Variants in PCDHGA11 observed in about 807,000 individuals in gnomAD.
The protein encoded by PCDHGA11 is protocadherin gamma-A11.
A neutral mutation model predicts 60.4 loss-of-function variants in PCDHGA11; 39 were observed. That is an observed-to-expected ratio of 0.65 (90% CI 0.50 to 0.84). PCDHGA11 has a LOEUF of 0.84. Ranked by LOEUF, PCDHGA11 falls within the 40% of genes least tolerant of loss-of-function variation. The pLI is 0.00. For missense variants in PCDHGA11, 1,165 were observed against 1,197.7 expected (o/e 0.97, Z 0.40); for synonymous variants, 533 against 510.3 (o/e 1.04, Z -0.60).
In PCDHGA11 at chr5:141,477,442, A is replaced by G; in HGVS notation, c.2434-17365A>G. The G allele has an allele frequency of 6.2e-7, 1 of 1,614,132 alleles. No individual in the cohort carries two copies. Among genetic ancestry groups the G allele is most frequent in the Non-Finnish European group, 8.5e-7 (1 of 1,180,022 alleles). ...CCCCTTCCCTCTCAGCCCTTACAAT[A>G]GTGCGTGTTCAAGTGTCCGACATCA... On this transcript the variant is annotated intron_variant, in intron 1 of 3. Coordinates refer to ENST00000398587, the MANE Select transcript of PCDHGA11 (RefSeq NM_018914.3). This position sits in a 1 kb window ranked among gnomAD's most constrained non-coding sequence, Gnocchi z 4.9.
chr5:141,469,711 T>C (rs894622720), intron 1 of PCDHGA11, among the ~76,000 whole-genome samples: 13 of 152,372 alleles, frequency 8.5e-5, no homozygotes, highest in African/African-American at 2.4e-4. Flanking sequence ...AATCACACTA[T>C]TAGGAATTTA....
At position 141,423,201 on chromosome 5, in the gene PCDHGA11, C is replaced by G; in HGVS notation, c.1974C>G (p.Thr658=). 6.2e-7 allele frequency: 1 copy of G among 1,613,628 alleles called. No homozygotes were observed. The highest frequency in any genetic ancestry group is 8.5e-7 in the Non-Finnish European group (1 of 1,180,002). ...QDHGQPPLSA[T]VTLTVAVADS... is the part of the protein sequence containing the mutation. Reference sequence around the variant, plus strand: ...ACGGCCAGCCCCCTCTCTCGGCCACCGTCACGCTCACCGTGGCTGTGGCCG... The same window carrying G: ...ACGGCCAGCCCCCTCTCTCGGCCACGGTCACGCTCACCGTGGCTGTGGCCG... The change falls in exon 1 of 4, where the codon ACC becomes ACG. Residue 658 remains threonine, a synonymous_variant. Coordinates refer to ENST00000398587, the MANE Select transcript of PCDHGA11 (RefSeq NM_018914.3).
chr5:141,427,703 C>A (rs529490424), intron 1 of PCDHGA11: 2 of 957,514 alleles, frequency 2.1e-6, no homozygotes, highest in African/African-American at 1.6e-5. Flanking sequence ...CACAAGTCAG[C>A]GCCTCTGACC....
intron 3 of PCDHGA11, among the ~76,000 whole-genome samples, chr5:141,509,440 C>T (rs1036780108): frequency 2.0e-5 from 3 of 152,158 alleles, no homozygotes; most frequent in Non-Finnish European, 4.4e-5. Flanking sequence ...CTTGTTTCCT[C>T]CTCTCCCACC....
chr5:141,476,666 G>T lies in PCDHGA11; in HGVS notation c.2434-18141G>T. 9 of 1,614,246 alleles carry T rather than the reference G, an allele frequency of 5.6e-6. No homozygotes were observed. Among genetic ancestry groups the T allele is most frequent in the Non-Finnish European group, 7.6e-6 (9 of 1,180,044 alleles). ...CCGAAATGAATACTTTGCGCTTCGC[G>T]TGCAGACGCGGGAGGACAGCACCAA... On this transcript the variant is annotated intron_variant, in intron 1 of 3. Transcript: ENST00000398587. This position sits in a 1 kb window ranked among gnomAD's most constrained non-coding sequence, Gnocchi z 7.6.
intron 1 of PCDHGA11, chr5:141,428,211 C>T (rs777952475): frequency 2.2e-5 from 28 of 1,284,198 alleles, no homozygotes; most frequent in South Asian, 4.9e-5. Flanking sequence ...CTACGCTTCA[C>T]CTAGTCTTCG....
chr5:141,423,311 T>G lies in PCDHGA11; in HGVS notation c.2084T>G (p.Val695Gly). The change falls in exon 1 of 4, where the codon GTG becomes GGG. Residue 695 changes from valine to glycine, a missense_variant. Val to Gly is a moderately radical substitution (Grantham distance 109). Transcript: ENST00000398587. ...SETSDLSLYL[V>G]VAVAAVSCIF... ...ACCTCAGACCTCTCGCTGTACTTGG[T>G]GGTGGCGGTGGCCGCAGTCTCCTGC... 2.5e-6 allele frequency: 4 copies of G among 1,614,134 alleles called. No homozygotes were observed. The highest frequency in any genetic ancestry group is 3.4e-6 in the Non-Finnish European group (4 of 1,180,012).
Position 141,422,150 on chromosome 5 carries a change from T to C in PCDHGA11, c.923T>C (p.Leu308Pro), listed in dbSNP as rs773805631. ...QTGEVQVRGS[L>P]DFEKYRFYEM... ...GGAGAAGTTCAAGTACGGGGGTCTC[T>C]GGATTTTGAAAAATATAGATTCTAT... Residue 308 changes from leucine to proline, a missense_variant, in exon 1 of 4, where the codon CTG (leucine) becomes CCG (proline). Transcript: ENST00000398587. The C allele has an allele frequency of 1.5e-5, 23 of 1,577,056 alleles. No individual in the cohort carries two copies. The highest frequency in any genetic ancestry group is 1.8e-5 in the Non-Finnish European group (21 of 1,167,250).
At chr5:141,433,358 C>CCTAG (rs1554125965) in intron 1 of PCDHGA11, 2 of 498,106 alleles carry the variant, frequency 4.0e-6, no homozygotes, top group African/African-American at 4.2e-5. Flanking sequence ...CTACTGTCTG[C>CCTAG]CTATCTATCT....
At chr5:141,497,820 G>A (rs1595489288) in intron 2 of PCDHGA11, among the ~76,000 whole-genome samples, 1 of 152,226 alleles carries the variant, frequency 6.6e-6, no homozygotes, top group Admixed American at 6.5e-5. Flanking sequence ...AATTACAGGT[G>A]TGATCGCCCC....
At chr5:141,478,189 C>T (rs774322691) in intron 1 of PCDHGA11, 1 of 1,614,020 alleles carries the variant, frequency 6.2e-7, no homozygotes, top group South Asian at 1.1e-5. Context: ...AAAATCTCAC[C>T]TTTTATCTAC....
intron 2 of PCDHGA11, among the ~76,000 whole-genome samples, chr5:141,501,847 C>T (rs976699397): frequency 1.3e-5 from 2 of 152,140 alleles, no homozygotes; most frequent in Admixed American, 6.5e-5. Context: ...GGCCCTCAAC[C>T]TTCAACCATT....
At position 141,421,118 on chromosome 5, in the gene PCDHGA11, T is replaced by C. The variant is rs572827470; in HGVS notation, c.-110T>C. 2 of 771,948 alleles carry C rather than the reference T, an allele frequency of 2.6e-6. No homozygotes were observed. The highest frequency in any genetic ancestry group is 2.0e-6 in the Non-Finnish European group (1 of 496,428). 47.8% of individuals were successfully genotyped at this position (771,948 alleles called of 1,614,324 possible). A position where few individuals can be genotyped will look rare whatever the true frequency, so the allele number is the denominator to read the frequency against. On this transcript the variant is annotated 5_prime_UTR_variant, in exon 1 of 4. Coordinates refer to ENST00000398587, the MANE Select transcript of PCDHGA11 (RefSeq NM_018914.3). ...ACTGGAGACTTAGAAGTATTTTCCT[T>C]CGCTTTCTGATATATTTTGGATGTA... is the stretch of plus-strand genomic sequence containing the variant.
chr5:141,460,726 A>G lies in PCDHGA11; in HGVS notation c.2434-34081A>G, dbSNP rs545089217. ...GAGAATAAACTATTGTTATAAGCAT[A>G]TATACACATTGTATATATATGTGTA... On this transcript the variant is annotated intron_variant, in intron 1 of 3. Coordinates refer to ENST00000398587, the MANE Select transcript of PCDHGA11 (RefSeq NM_018914.3). Among the ~76,000 whole-genome samples the G allele has an allele frequency of 6.6e-5, 10 of 152,252 alleles. No homozygotes were observed. In the East Asian group the frequency reaches 1.9e-3, roughly 29 times the overall value.
chr5:141,421,347 C>G lies in PCDHGA11; in HGVS notation c.120C>G (p.Thr40=). Residue 40 remains threonine (T), a synonymous_variant, in exon 1 of 4, where the codon ACC becomes ACG. Coordinates refer to ENST00000398587, the MANE Select transcript of PCDHGA11 (RefSeq NM_018914.3). The stretch of plus-strand genomic sequence containing the variant: ...TCCGATATTCGGTGCCAGAAGAGAC[C>G]GAAAAGGGCTCCTTCGTGGGCAATA... ...RQIRYSVPEE[T]EKGSFVGNIS... 6.2e-7 allele frequency: 1 copy of G among 1,613,948 alleles called. No homozygotes were observed. Among genetic ancestry groups the G allele is most frequent in the Non-Finnish European group, 8.5e-7 (1 of 1,179,894 alleles).
Position 141,423,470 on chromosome 5 carries a change from A to G in PCDHGA11, c.2243A>G (p.Gln748Arg). Residue 748 changes from glutamine (Q) to arginine (R), a missense_variant, in exon 1 of 4, where the codon CAG becomes CGG. Physicochemically the swap from Gln to Arg is conservative, Grantham distance 43. Coordinates refer to ENST00000398587, the MANE Select transcript of PCDHGA11 (RefSeq NM_018914.3). The stretch of plus-strand genomic sequence containing the variant: ...CATTTTGTAGGCGTGGACGGGGTAC[A>G]GGCTTTCCTGCAAACCTATTCCCAC... ...TSHFVGVDGV[Q>R]AFLQTYSHEV... 1 of 1,614,002 alleles carries G rather than the reference A, an allele frequency of 6.2e-7. No individual in the cohort carries two copies. The highest frequency in any genetic ancestry group is 8.5e-7 in the Non-Finnish European group (1 of 1,179,938).
rs2099629299 is a variant in PCDHGA11, at chr5:141,486,426, A to G, written c.2434-8381A>G. ...GCTGGACCCTTGGATCGAGAGGCCA[A>G]ATCTAGCTATGACATCATGGTCACT... On this transcript the variant is annotated intron_variant, in intron 1 of 3. Transcript: ENST00000398587. The surrounding 1 kb of genome is among the most constrained non-coding windows in gnomAD (Gnocchi z 5.0). 1.9e-6 allele frequency: 3 copies of G among 1,614,190 alleles called. No individual in the cohort carries two copies. Among genetic ancestry groups the G allele is most frequent in the Non-Finnish European group, 2.5e-6 (3 of 1,180,026 alleles).
chr5:141,455,737 A>T (rs1290390106), intron 1 of PCDHGA11, among the ~76,000 whole-genome samples: 1 of 152,162 alleles, frequency 6.6e-6, no homozygotes, highest in Non-Finnish European at 1.5e-5. Context: ...TTTGCATATC[A>T]AAGGTTGCTG....
chr5:141,472,556 T>A (rs2099287889), intron 1 of PCDHGA11, among the ~76,000 whole-genome samples: 1 of 151,628 alleles, frequency 6.6e-6, no homozygotes, highest in South Asian at 2.1e-4. Flanking sequence ...AAAAAAATTA[T>A]ATTATAAATG....
Sources: gnomAD v4.1 joint callset for allele counts (sites outside exome capture counted in the v4.1 genomes callset) on GRCh38, gnomAD v4.1.1 for gene constraint, Gnocchi (gnomAD v3.1) non-coding constraint, MANE v1.5 for transcripts, NCBI Gene and HGNC (gene_info 2026-07-23, HGNC 2026-07-21) for gene names.